Variants in MGAT4C observed in about 807,000 individuals in gnomAD.
The protein encoded by MGAT4C is MGAT4 family member C, also known as alpha-1,3-mannosyl-glycoprotein 4-beta-N-acetylglucosaminyltransferase C.
A neutral mutation model predicts 40.1 loss-of-function variants in MGAT4C; 19 were observed. The ratio of observed to expected loss-of-function variants is 0.47; its 90% CI spans 0.33 to 0.70. The LOEUF is 0.70. MGAT4C is among the 30% of genes least tolerant of loss of function. The pLI, the probability that MGAT4C is intolerant of heterozygous loss-of-function variation, is 0.02. For missense variants in MGAT4C, 491 were observed against 563.2 expected (o/e 0.87, Z 1.30); for synonymous variants, 181 against 187.1 (o/e 0.97, Z 0.27).
chr12:86,355,185 A>C (rs1419213235), intron 3 of MGAT4C, among the ~76,000 whole-genome samples: 1 of 152,100 alleles, frequency 6.6e-6, no homozygotes, highest in Non-Finnish European at 1.5e-5. Context: ...TGATTGGCAT[A>C]TTTTACAAAA....
chr12:86,117,969 C>G (rs989962772), intron 1 of MGAT4C, among the ~76,000 whole-genome samples: 1 of 151,952 alleles, frequency 6.6e-6, no homozygotes, highest in Admixed American at 6.6e-5. Flanking sequence ...ACTTGCATAA[C>G]TAGAAAAAAA....
intron 2 of MGAT4C, among the ~76,000 whole-genome samples, chr12:86,510,445 T>C (rs995107352): frequency 2.6e-5 from 4 of 152,276 alleles, no homozygotes; most frequent in Admixed American, 6.5e-5. Flanking sequence ...ACAGGCAAAC[T>C]AACCAGCTAA....
At chr12:86,157,326 A>T (rs970196487) in intron 1 of MGAT4C, among the ~76,000 whole-genome samples, 3 of 152,184 alleles carry the variant, frequency 2.0e-5, no homozygotes, top group Admixed American at 6.6e-5. Flanking sequence ...AATCAATTAC[A>T]TCCATATGGA....
chr12:86,028,046 A>G (rs957713773), intron 2 of MGAT4C: 46 of 1,037,656 alleles, frequency 4.4e-5, no homozygotes, highest in Non-Finnish European at 5.6e-5. Flanking sequence ...TATCTAGTCA[A>G]GAAAGTATCA....
chr12:86,748,507 A>C (rs2136138489), intron 1 of MGAT4C, among the ~76,000 whole-genome samples: 1 of 151,900 alleles, frequency 6.6e-6, no homozygotes, highest in African/African-American at 2.4e-5. Flanking sequence ...AATACGTGAT[A>C]AAAATACTAC....
intron 2 of MGAT4C, among the ~76,000 whole-genome samples, chr12:86,005,332 ATAGT>A (rs1320422572): frequency 6.6e-6 from 1 of 152,184 alleles, no homozygotes; most frequent in Non-Finnish European, 1.5e-5. Context: ...TCCTGGCAAT[ATAGT>A]TATTTACATG....
intron 2 of MGAT4C, among the ~76,000 whole-genome samples, chr12:86,632,307 G>A (rs557626437): frequency 6.6e-6 from 1 of 152,126 alleles, no homozygotes; most frequent in Non-Finnish European, 1.5e-5. Context: ...CACTGTTGGG[G>A]GGACTGTAAA....
intron 2 of MGAT4C, among the ~76,000 whole-genome samples, chr12:86,619,492 A>G (rs1017518868): frequency 6.6e-6 from 1 of 152,022 alleles, no homozygotes; most frequent in Admixed American, 6.6e-5. Flanking sequence ...CTGTTCACAA[A>G]TGTACTCTCA....
chr12:86,714,384 T>C (rs749839187), intron 2 of MGAT4C, among the ~76,000 whole-genome samples: 1 of 152,098 alleles, frequency 6.6e-6, no homozygotes, highest in Non-Finnish European at 1.5e-5. Flanking sequence ...GAGAATGATA[T>C]TGTTTGGCTG....
intron 2 of MGAT4C, among the ~76,000 whole-genome samples, chr12:86,515,889 C>A (rs1958677858): frequency 6.6e-6 from 1 of 151,868 alleles, no homozygotes; most frequent in Non-Finnish European, 1.5e-5. Context: ...ACTACAGATG[C>A]CCACCACCAC....
intron 1 of MGAT4C, among the ~76,000 whole-genome samples, chr12:86,136,126 T>C (rs61932268): frequency 0.075 from 11,408 of 152,258 alleles, 586 homozygotes; most frequent in Middle Eastern, 0.21. Flanking sequence ...AAAACATCAA[T>C]AAATATATCC....
chr12:86,664,719 A>C (rs900274395), intron 2 of MGAT4C, among the ~76,000 whole-genome samples: 1 of 152,210 alleles, frequency 6.6e-6, no homozygotes, highest in African/African-American at 2.4e-5. Flanking sequence ...AGATTAAAAA[A>C]TCTTATTATT....
intron 3 of MGAT4C, among the ~76,000 whole-genome samples, chr12:85,987,994 T>C (rs1885444318): frequency 1.3e-5 from 2 of 152,314 alleles, no homozygotes; most frequent in Admixed American, 6.5e-5. Flanking sequence ...AAGAAAAAAA[T>C]AGCAAGAACA....
At chr12:86,268,926 A>C (rs1220526570) in intron 4 of MGAT4C, among the ~76,000 whole-genome samples, 1 of 144,874 alleles carries the variant, frequency 6.9e-6, no homozygotes, top group African/African-American at 2.5e-5. Flanking sequence ...TAGAGGAGAT[A>C]TTACAGTACC....
At chr12:86,511,760 G>A (rs1351358035) in intron 2 of MGAT4C, among the ~76,000 whole-genome samples, 1 of 152,090 alleles carries the variant, frequency 6.6e-6, no homozygotes, top group African/African-American at 2.4e-5. Flanking sequence ...AGATGGATTA[G>A]ATGTAAATAA....
chr12:86,649,452 T>A, intron 2 of MGAT4C, among the ~76,000 whole-genome samples: 1 of 151,834 alleles, frequency 6.6e-6, no homozygotes, highest in East Asian at 1.9e-4. Context: ...TAATTTCTAA[T>A]TTATAATATA....
chr12:86,774,355 C>CTT (rs1212187906), intron 1 of MGAT4C, among the ~76,000 whole-genome samples: 13 of 20,426 alleles, frequency 6.4e-4, no homozygotes, highest in Non-Finnish European at 1.5e-3. Context: ...CTCTCTCTCC[C>CTT]CTCTCTCTCT....
intron 3 of MGAT4C, among the ~76,000 whole-genome samples, chr12:86,367,775 A>G (rs1419316049): frequency 6.6e-6 from 1 of 151,978 alleles, no homozygotes; most frequent in Non-Finnish European, 1.5e-5. Flanking sequence ...ACTCCAGCCT[A>G]GGCGACAGAG....
intron 2 of MGAT4C, among the ~76,000 whole-genome samples, chr12:86,491,174 G>A (rs961727123): frequency 6.6e-6 from 1 of 152,046 alleles, no homozygotes; most frequent in Non-Finnish European, 1.5e-5. Context: ...ACCAAAAAGA[G>A]TCCAGGACCA....
Sources: gnomAD v4.1 joint callset for allele counts (sites outside exome capture counted in the v4.1 genomes callset) on GRCh38, gnomAD v4.1.1 for gene constraint, MANE v1.5 for transcripts, NCBI Gene and HGNC (gene_info 2026-07-23, HGNC 2026-07-21) for gene names.